The following FAM184B variants were observed in gnomAD, a reference collection of about 807,000 sequenced individuals.
FAM184B encodes protein FAM184B.
FAM184B carries 111 observed loss-of-function variants against 135.9 expected under a neutral mutation model. The ratio of observed to expected loss-of-function variants is 0.82; its 90% CI spans 0.70 to 0.96. The LOEUF (loss-of-function observed/expected upper bound fraction) is 0.96, where lower values mean the gene tolerates loss of function less well. Among genes scored for constraint, FAM184B ranks in the 40% least tolerant of loss-of-function variants. The pLI, the probability that FAM184B is intolerant of heterozygous loss-of-function variation, is 0.00. For missense variants in FAM184B, 1,375 were observed against 1,323.9 expected (o/e 1.04, Z -0.60); for synonymous variants, 552 against 524.8 (o/e 1.05, Z -0.71).
At chr4:17,678,137 T>C (rs1428131754) in intron 7 of FAM184B, among the ~76,000 whole-genome samples, 1 of 152,174 alleles carries the variant, frequency 6.6e-6, no homozygotes, top group Admixed American at 6.5e-5. Context: ...CTCTCACCAC[T>C]TCTATTCAAC....
At position 17,704,197 on chromosome 4, in the gene FAM184B, T is replaced by C. The variant is rs549081926; in HGVS notation, c.1377+803A>G. On this transcript the variant is annotated intron_variant, in intron 5 of 17. Coordinates refer to ENST00000265018, the MANE Select transcript of FAM184B (RefSeq NM_015688.2). ...CTTGGGCTATAAAGAGGCCTCCTTG[T>C]AATTAAACAAAGCATTCCACCTACA... Among the ~76,000 whole-genome samples, 15 of 152,360 alleles carry C rather than the reference T, an allele frequency of 9.8e-5. No individual in the cohort carries two copies. In the South Asian group the frequency reaches 3.1e-3, roughly 32 times the overall value.
chr4:17,671,592 C>A (rs1413828568), intron 7 of FAM184B, among the ~76,000 whole-genome samples: 1 of 151,854 alleles, frequency 6.6e-6, no homozygotes, highest in Non-Finnish European at 1.5e-5. Context: ...GCATGGACAC[C>A]AACACAGAGA....
chr4:17,645,056 A>C (rs1245577467), intron 12 of FAM184B, among the ~76,000 whole-genome samples: 4 of 152,212 alleles, frequency 2.6e-5, no homozygotes, highest in Non-Finnish European at 5.9e-5. Flanking sequence ...CAAGAACTAC[A>C]AACCACTGCT....
intron 1 of FAM184B, among the ~76,000 whole-genome samples, chr4:17,734,785 G>T (rs1717869543): frequency 6.7e-6 from 1 of 149,870 alleles, no homozygotes; most frequent in Non-Finnish European, 1.5e-5. Context: ...ATTCCTCAGG[G>T]ATCTAGAACT....
At position 17,709,338 on chromosome 4, in the gene FAM184B, C is replaced by T. The variant is rs995396007; in HGVS notation, c.448G>A (p.Glu150Lys). 9 of 1,549,828 alleles carry T rather than the reference C, an allele frequency of 5.8e-6. No individual in the cohort carries two copies. The East Asian group carries it at 2.2e-4, about 38-fold the overall frequency. Residue 150 changes from glutamate (E) to lysine (K), a missense_variant, in exon 2 of 18, where the codon GAA becomes AAA. Physicochemically the swap from Glu to Lys is moderately conservative, Grantham distance 56. Transcript: ENST00000265018. ...TAGTCAGCCTTGAGCTCCAGCATTT[C>T]CCTGGAGAGCGTGAGGACTCGCTCG... The part of the protein sequence containing the change: ...HAERVLTLSR[E>K]MLELKADYER...
intron 4 of FAM184B, among the ~76,000 whole-genome samples, 170 bp downstream of exon 4, chr4:17,705,582 A>G (rs1393184359): frequency 6.6e-6 from 1 of 152,210 alleles, no homozygotes; most frequent in Non-Finnish European, 1.5e-5. Context: ...CCTGGTTTCC[A>G]GTAGCATGGA....
At chr4:17,650,371 C>T (rs1410162308) in intron 11 of FAM184B, among the ~76,000 whole-genome samples, 1 of 152,242 alleles carries the variant, frequency 6.6e-6, no homozygotes, top group African/African-American at 2.4e-5. Flanking sequence ...TAGGTGCTTG[C>T]ACCTTCCCTT....
intron 7 of FAM184B, among the ~76,000 whole-genome samples, chr4:17,680,040 G>A (rs955108928): frequency 1.3e-5 from 2 of 152,148 alleles, no homozygotes; most frequent in African/African-American, 4.8e-5. Context: ...GGTGAGAAGG[G>A]GGTGAGGGGT....
At chr4:17,649,868 T>TCATCCATC (rs60997289) in intron 11 of FAM184B, among the ~76,000 whole-genome samples, 78,332 of 134,202 alleles carry the variant, frequency 0.58, 22,989 homozygotes, top group East Asian at 0.88. Flanking sequence ...ATCCACCCAC[T>TCATCCATC]CATCCATCCA....
intron 5 of FAM184B, among the ~76,000 whole-genome samples, chr4:17,700,209 G>C (rs1352046713): frequency 6.6e-6 from 1 of 152,130 alleles, no homozygotes; most frequent in African/African-American, 2.4e-5. Flanking sequence ...CATTAAATGT[G>C]AATGGTCTGA....
At position 17,635,442 on chromosome 4, in the gene FAM184B, C is replaced by T. The variant is rs563110938; in HGVS notation, c.2785-329G>A. On this transcript the variant is annotated intron_variant, in intron 15 of 17. Transcript: ENST00000265018. ...ACCCCCAGGTATGCAAAGGATTTTG[C>T]CGCCTTTCTTCCTCTGTCTTGTTTG... Among the ~76,000 whole-genome samples, 3 of 152,252 alleles carry T rather than the reference C, an allele frequency of 2.0e-5. No individual in the cohort carries two copies. In the East Asian group the frequency reaches 5.8e-4, roughly 29 times the overall value.
At chr4:17,633,614 C>A in intron 17 of FAM184B, 75 bp downstream of exon 17, 1 of 1,307,834 alleles carries the variant, frequency 7.6e-7, no homozygotes, top group Non-Finnish European at 1.0e-6. Context: ...GTACCAGGTG[C>A]TAGAAAGAAT....
At chr4:17,649,814 ATCCTTCTATCCACCTG>A (rs1715561363) in intron 11 of FAM184B, among the ~76,000 whole-genome samples, 1 of 151,722 alleles carries the variant, frequency 6.6e-6, no homozygotes, top group Non-Finnish European at 1.5e-5. Flanking sequence ...CTACCTATCC[ATCCTTCTATCCACCTG>A]TCCATCCATC....
intron 1 of FAM184B, among the ~76,000 whole-genome samples, chr4:17,765,423 T>C (rs1177866035): frequency 6.6e-6 from 1 of 152,176 alleles, no homozygotes; most frequent in Non-Finnish European, 1.5e-5. Context: ...TATATTAATA[T>C]TGATTATAAT....
chr4:17,639,129 G>T, intron 14 of FAM184B, 121 bp downstream of exon 14: 1 of 1,052,356 alleles, frequency 9.5e-7, no homozygotes, highest in Admixed American at 2.3e-5. Context: ...CACCGTGCCT[G>T]GCCAGAACCC....
intron 16 of FAM184B, 114 bp downstream of exon 16, chr4:17,634,895 C>G: frequency 1.8e-6 from 1 of 548,360 alleles, no homozygotes; most frequent in Non-Finnish European, 3.0e-6. Flanking sequence ...TTTTTTTTTT[C>G]CAATGAATAT....
chr4:17,717,334 A>G (rs1717417990), intron 1 of FAM184B, among the ~76,000 whole-genome samples: 1 of 152,120 alleles, frequency 6.6e-6, no homozygotes, highest in Non-Finnish European at 1.5e-5. Context: ...TAGAGACACA[A>G]TCTCCTCCAA....
chr4:17,729,565 TCA>T (rs993230554), intron 1 of FAM184B, among the ~76,000 whole-genome samples: 2 of 152,180 alleles, frequency 1.3e-5, no homozygotes, highest in Non-Finnish European at 2.9e-5. Flanking sequence ...AGAGGAACGA[TCA>T]GGCAGCAGCA....
chr4:17,642,007 G>GGGTAGGGGGTGAGGGTGGCGC, intron 13 of FAM184B, 49 bp downstream of exon 13: 1 of 1,485,118 alleles, frequency 6.7e-7, no homozygotes, highest in Non-Finnish European at 8.9e-7. Flanking sequence ...GGGGGTGGCG[G>GGGTAGGGGGTGAGGGTGGCGC]GGTAGGGGGT....
Sources: gnomAD v4.1 joint callset for allele counts (sites outside exome capture counted in the v4.1 genomes callset) on GRCh38, gnomAD v4.1.1 for gene constraint, MANE v1.5 for transcripts, NCBI Gene and HGNC (gene_info 2026-07-23, HGNC 2026-07-21) for gene names.